Variants in FAT2 observed in about 807,000 individuals in gnomAD.
FAT2 encodes protocadherin Fat 2.
A neutral mutation model predicts 295.3 loss-of-function variants in FAT2; 150 were observed. The observed-to-expected ratio is 0.51, with a 90% CI of 0.44 to 0.58. FAT2 has a LOEUF of 0.58. Among genes scored for constraint, FAT2 ranks in the 20% least tolerant of loss-of-function variants. FAT2 has a pLI of 0.00. For synonymous variants in FAT2, 2,026 were observed against 2,150.3 expected (o/e 0.94, Z 1.60); for missense variants, 4,868 against 5,442.7 (o/e 0.89, Z 3.32).
In FAT2 at chr5:151,556,029, G is replaced by C. The variant is rs75499470; in HGVS notation, c.3633+315C>G. On this transcript the variant is annotated intron_variant, in intron 4 of 23. Transcript: ENST00000261800. ...TGTTTGACCGAGAATGATTCTGTCT[G>C]CCTGAGCCAGGAGGGATGGACTGGA... Among the ~76,000 whole-genome samples, 1,466 of 152,308 alleles carry C rather than the reference G, an allele frequency of 9.6e-3. 21 individuals are homozygous for C. The highest frequency in any genetic ancestry group is 0.034 in the African/African-American group (1,406 of 41,562).
chr5:151,592,425 T>A (rs1211206272), upstream of FAT2, among the ~76,000 whole-genome samples: 1 of 151,978 alleles, frequency 6.6e-6, no homozygotes, highest in Non-Finnish European at 1.5e-5. Context: ...TTCTGTCCAA[T>A]CCCCTCCCTC....
intron 2 of FAT2, among the ~76,000 whole-genome samples, chr5:151,564,486 G>GA (rs1290262151): frequency 6.6e-6 from 1 of 152,206 alleles, no homozygotes; most frequent in Admixed American, 6.5e-5. Flanking sequence ...AAAGGTTGCT[G>GA]AAAGCCAACA....
rs1217773421 is a variant in FAT2 at position 151,507,352 on chromosome 5, T to G, written c.12319A>C (p.Ser4107Arg). 2.5e-6 allele frequency: 4 copies of G among 1,614,030 alleles called. No individual in the cohort carries two copies. In the African/African-American group the frequency reaches 5.3e-5, roughly 22 times the overall value. Residue 4107 changes from serine to arginine, a missense_variant, in exon 23 of 24, where the codon AGT (serine) becomes CGT (arginine). By Grantham distance (110) the Ser-to-Arg change is moderately radical (BLOSUM62 -1). Transcript: ENST00000261800. Reference protein sequence around the residue: ...AMPAIELNPLSASSCNNLNQP... With the variant: ...AMPAIELNPLRASSCNNLNQP... ...TTGAGGTTGTTGCAGGAGCTGGCAC[T>G]CAATGGGTTGAGCTCGATGGCAGGC...
At chr5:151,525,287 A>G (rs1753873551) in intron 18 of FAT2, among the ~76,000 whole-genome samples, 1 of 152,182 alleles carries the variant, frequency 6.6e-6, no homozygotes, top group African/African-American at 2.4e-5. Flanking sequence ...GAAACCCATA[A>G]CACCACCACC....
Position 151,507,532 on chromosome 5 carries a change from G to T in FAT2, c.12139C>A (p.Gln4047Lys). 1 of 1,614,094 alleles carries T rather than the reference G, an allele frequency of 6.2e-7. No individual in the cohort carries two copies. Among genetic ancestry groups the T allele is most frequent in the South Asian group, 1.1e-5 (1 of 91,076 alleles). The change falls in exon 23 of 24, where the codon CAG becomes AAG. Residue 4047 changes from glutamine to lysine, a missense_variant. Transcript: ENST00000261800. ...PEIQRGDWGQQELLIITVAVA... is the reference protein window; with the variant it reads ...PEIQRGDWGQKELLIITVAVA... ...GCCACTGTGATGATCAGTAACTCCTGCTGCCCCCAGTCCCCCCTTTGGATC... is the reference window on the plus strand; with the variant it reads ...GCCACTGTGATGATCAGTAACTCCTTCTGCCCCCAGTCCCCCCTTTGGATC...
chr5:151,523,222 T>C (rs1753666605), intron 18 of FAT2, among the ~76,000 whole-genome samples: 1 of 152,176 alleles, frequency 6.6e-6, no homozygotes, highest in Non-Finnish European at 1.5e-5. Flanking sequence ...TAATTAACAC[T>C]ACTGTTAATT....
At chr5:151,590,228 A>G (rs1298269250) in intron 1 of FAT2, among the ~76,000 whole-genome samples, 2 of 152,228 alleles carry the variant, frequency 1.3e-5, no homozygotes, top group Non-Finnish European at 2.9e-5. Context: ...CTGAAGGACT[A>G]GAAGCACCTA....
chr5:151,586,524 A>G lies in FAT2; in HGVS notation c.-21+4641T>C, dbSNP rs143318632. Reference sequence around the variant, plus strand: ...GTTAATCAATGGGTAGTGGTGGAATATCAGGCACTGTGGTCGGCCAAGGGG... The same window carrying G: ...GTTAATCAATGGGTAGTGGTGGAATGTCAGGCACTGTGGTCGGCCAAGGGG... On this transcript the variant is annotated intron_variant, in intron 1 of 23. Transcript: ENST00000261800. Among the ~76,000 whole-genome samples the G allele has an allele frequency of 1.1e-3, 173 of 152,324 alleles. 1 individual carries two copies. Among genetic ancestry groups the G allele is most frequent in the African/African-American group, 4.1e-3 (170 of 41,574 alleles).
chr5:151,532,113 G>C, intron 13 of FAT2, 143 bp from the exon 14 acceptor site: 26 of 1,069,240 alleles, frequency 2.4e-5, no homozygotes, highest in African/African-American at 3.2e-5. Context: ...AAGAGTGAGG[G>C]TCTCTCCAGC....
chr5:151,517,034 G>A (rs1411256737), intron 20 of FAT2, among the ~76,000 whole-genome samples: 1 of 151,802 alleles, frequency 6.6e-6, no homozygotes, highest in Non-Finnish European at 1.5e-5. Context: ...CTTGAACCTG[G>A]GAGACAGAGG....
chr5:151,590,675 C>T (rs1436989602), intron 1 of FAT2, among the ~76,000 whole-genome samples: 8 of 152,148 alleles, frequency 5.3e-5, no homozygotes, highest in Admixed American at 1.3e-4. Flanking sequence ...CTCCCTTAGC[C>T]GCCAGGTAGC....
chr5:151,556,067 A>G (rs1757666762), intron 4 of FAT2, among the ~76,000 whole-genome samples: 1 of 152,148 alleles, frequency 6.6e-6, no homozygotes, highest in Non-Finnish European at 1.5e-5. Context: ...CGGTAAGTAC[A>G]TAGCACACAT....
intron 6 of FAT2, among the ~76,000 whole-genome samples, chr5:151,552,446 A>T (rs1362503130): frequency 6.6e-6 from 1 of 152,242 alleles, no homozygotes; most frequent in Non-Finnish European, 1.5e-5. Context: ...TAGCCAGGAC[A>T]GAAAACTGTA....
chr5:151,579,944 G>A (rs904334859), intron 1 of FAT2, among the ~76,000 whole-genome samples: 10 of 152,158 alleles, frequency 6.6e-5, no homozygotes, highest in African/African-American at 2.4e-4. Flanking sequence ...TGTGAGAGGA[G>A]CCCCAGAGCC....
intron 9 of FAT2, among the ~76,000 whole-genome samples, chr5:151,546,554 T>C (rs1006297318): frequency 6.6e-6 from 1 of 152,182 alleles, no homozygotes; most frequent in African/African-American, 2.4e-5. Flanking sequence ...CAATTATCAC[T>C]AAGTTTCTGG....
chr5:151,581,938 A>G lies in FAT2; in HGVS notation c.-21+9227T>C, dbSNP rs1378740412. On this transcript the variant is annotated intron_variant, in intron 1 of 23. Transcript: ENST00000261800. ...CTTCCCTCTCATTCCCATTTCCTCT[A>G]GCCTGGCCCAGCCCAGCCCAGCCCA... Among the ~76,000 whole-genome samples, 3 of 152,166 alleles carry G rather than the reference A, an allele frequency of 2.0e-5. No individual in the cohort carries two copies. The East Asian group carries it at 5.8e-4, about 29-fold the overall frequency.
chr5:151,572,118 A>G (rs2127653455), intron 1 of FAT2, among the ~76,000 whole-genome samples: 1 of 151,886 alleles, frequency 6.6e-6, no homozygotes, highest in East Asian at 1.9e-4. Context: ...ACTTTGCCCT[A>G]TTTTCTTCAT....
chr5:151,594,620 A>G (rs1395950381), upstream of FAT2, among the ~76,000 whole-genome samples: 2 of 152,202 alleles, frequency 1.3e-5, no homozygotes, highest in East Asian at 3.9e-4. Context: ...AAGAACTAGA[A>G]GAGTCATGTC....
rs1754614788 is a variant in FAT2, at chr5:151,531,609, C to T, written c.9789G>A (p.Arg3263=). The T allele has an allele frequency of 3.1e-6, 5 of 1,612,862 alleles. No individual in the cohort carries two copies. The East Asian group carries it at 8.9e-5, about 29-fold the overall frequency. ...YRVVSGNEQG[R]FRLDARTGIL... is the part of the protein sequence containing the mutation. ...CACCTGTGCGAGCATCCAGGCGGAA[C>T]CTGCCTTGCTCGTTCCCGCTGACCA... The change falls in exon 14 of 24, where the codon AGG becomes AGA. Residue 3263 remains arginine (R), a synonymous_variant. Transcript: ENST00000261800. This position sits in a 1 kb window ranked among gnomAD's most constrained non-coding sequence, Gnocchi z 5.7.
Sources: allele counts gnomAD v4.1 joint callset (sites outside exome capture counted in the v4.1 genomes callset), GRCh38; gene constraint gnomAD v4.1.1; non-coding constraint Gnocchi (gnomAD v3.1); transcripts MANE v1.5; gene names NCBI Gene and HGNC (gene_info 2026-07-23, HGNC 2026-07-21).